Variants in AGBL1 observed in about 807,000 individuals in gnomAD.
AGBL1 encodes cytosolic carboxypeptidase 4.
AGBL1 carries 130 observed loss-of-function variants against 118.9 expected under a neutral mutation model. That is an observed-to-expected ratio of 1.09 (90% CI 0.95 to 1.26). The LOEUF (loss-of-function observed/expected upper bound fraction) is 1.26. Ranked by LOEUF, AGBL1 falls within the 50% of genes most tolerant of loss-of-function variation. The pLI is 0.00. For synonymous variants in AGBL1, 555 were observed against 478.9 expected, an observed-to-expected ratio of 1.16 and a Z score of -2.08; for missense variants, 1,584 against 1,298.1, an observed-to-expected ratio of 1.22 and a Z score of -3.38.
Position 86,927,088 on chromosome 15 carries a change from G to A in AGBL1, c.3222-60899G>A, listed in dbSNP as rs577874864. Reference sequence around the variant, plus strand: ...CAGAAGGCAGAGGTTGCAGTGAGCCGAGTTCATGCCATTGCACTCCACCCC... The same window carrying A: ...CAGAAGGCAGAGGTTGCAGTGAGCCAAGTTCATGCCATTGCACTCCACCCC... On this transcript the variant is annotated intron_variant, in intron 23 of 24. Transcript: ENST00000441037. Among the ~76,000 whole-genome samples the A allele has an allele frequency of 5.3e-5, 8 of 151,614 alleles. No individual in the cohort carries two copies. In the South Asian group the frequency reaches 1.5e-3, roughly 28 times the overall value.
At chr15:86,792,752 G>A (rs771738731) in intron 22 of AGBL1, among the ~76,000 whole-genome samples, 3 of 151,996 alleles carry the variant, frequency 2.0e-5, no homozygotes, top group Admixed American at 1.3e-4. Context: ...GACCAGCCTG[G>A]ACAACATGGC....
At position 87,023,729 on chromosome 15, in the gene AGBL1, T is replaced by G. The variant is rs571218196; in HGVS notation, c.3324-5096T>G. On this transcript the variant is annotated intron_variant, in intron 24 of 24. Transcript: ENST00000441037. ...ACTTTCTTCAAGAAAGACCATATGA[T>G]AGACCACAAAATGAGCTTCAATAAA... Among the ~76,000 whole-genome samples the G allele has an allele frequency of 2.0e-5, 3 of 152,198 alleles. No homozygotes were observed. The South Asian group carries it at 6.2e-4, about 32-fold the overall frequency.
intron 18 of AGBL1, among the ~76,000 whole-genome samples, chr15:86,461,156 C>A (rs774714571): frequency 4.6e-5 from 7 of 152,122 alleles, no homozygotes; most frequent in Non-Finnish European, 7.4e-5. Flanking sequence ...AGCCTGGGAT[C>A]AGGGACTTTA....
At chr15:86,174,779 T>C (rs2077460437) in intron 5 of AGBL1, among the ~76,000 whole-genome samples, 1 of 152,206 alleles carries the variant, frequency 6.6e-6, no homozygotes, top group Non-Finnish European at 1.5e-5. Flanking sequence ...TTCCATTCTG[T>C]TTATATGATA....
chr15:86,614,804 G>T (rs1353131024), intron 21 of AGBL1, among the ~76,000 whole-genome samples: 1 of 152,186 alleles, frequency 6.6e-6, no homozygotes, highest in Admixed American at 6.5e-5. Flanking sequence ...GAAAAAACCA[G>T]ATTGTCATAT....
chr15:86,154,342 C>G (rs2077158814), intron 3 of AGBL1, 88 bp from the exon 4 acceptor site: 1 of 1,424,318 alleles, frequency 7.0e-7, no homozygotes, highest in African/African-American at 1.4e-5. Context: ...CCTCCTCCTT[C>G]ACCATCTTCC....
At chr15:86,779,275 A>G (rs1161591334) in intron 22 of AGBL1, among the ~76,000 whole-genome samples, 2 of 152,232 alleles carry the variant, frequency 1.3e-5, no homozygotes, top group Non-Finnish European at 2.9e-5. Flanking sequence ...CTCACCAGAC[A>G]CAGAATCTGC....
At chr15:86,461,572 A>T (rs973089307) in intron 18 of AGBL1, among the ~76,000 whole-genome samples, 19 of 152,208 alleles carry the variant, frequency 1.2e-4, no homozygotes, top group Admixed American at 9.8e-4. Flanking sequence ...TATCACGGCA[A>T]TATATAAATG....
chr15:86,365,016 CATAT>C (rs1225936471), intron 17 of AGBL1, among the ~76,000 whole-genome samples: 1 of 121,992 alleles, frequency 8.2e-6, no homozygotes, highest in Non-Finnish European at 1.7e-5. Flanking sequence ...TATACACACA[CATAT>C]ATATATACAC....
chr15:86,264,865 C>G (rs1351505274), intron 11 of AGBL1, 27 bp downstream of exon 11: 1 of 1,525,908 alleles, frequency 6.6e-7, no homozygotes, highest in Non-Finnish European at 8.8e-7. Context: ...CTTGGGAGCT[C>G]TTTTTTTCTG....
At chr15:86,425,050 A>C (rs1438128619) in intron 18 of AGBL1, among the ~76,000 whole-genome samples, 2 of 152,220 alleles carry the variant, frequency 1.3e-5, no homozygotes, top group African/African-American at 4.8e-5. Context: ...GTATATACCC[A>C]AATGATTATA....
At chr15:86,600,385 T>C (rs890281934) in intron 21 of AGBL1, among the ~76,000 whole-genome samples, 1 of 152,190 alleles carries the variant, frequency 6.6e-6, no homozygotes, top group Non-Finnish European at 1.5e-5. Flanking sequence ...AGGTGGTACA[T>C]GTTCATGGTA....
chr15:86,473,110 C>A (rs1379807247), intron 18 of AGBL1, among the ~76,000 whole-genome samples: 1 of 151,874 alleles, frequency 6.6e-6, no homozygotes, highest in Non-Finnish European at 1.5e-5. Flanking sequence ...TTTATAAGTC[C>A]TTTATAGAGA....
At chr15:86,972,705 G>T (rs2081121710) in intron 23 of AGBL1, among the ~76,000 whole-genome samples, 1 of 151,984 alleles carries the variant, frequency 6.6e-6, no homozygotes, top group South Asian at 2.1e-4. Flanking sequence ...TTTCCTTACA[G>T]GGGGAGAATG....
At chr15:86,390,105 G>C (rs1381203562) in intron 17 of AGBL1, among the ~76,000 whole-genome samples, 1 of 152,100 alleles carries the variant, frequency 6.6e-6, no homozygotes, top group Non-Finnish European at 1.5e-5. Context: ...AAGAAAGCCA[G>C]CAAAGCTATA....
At chr15:86,701,493 T>C (rs2086357280) in intron 22 of AGBL1, among the ~76,000 whole-genome samples, 2 of 152,132 alleles carry the variant, frequency 1.3e-5, no homozygotes, top group Admixed American at 1.3e-4. Flanking sequence ...GAATTGTGGG[T>C]AAATCAAGAT....
intron 22 of AGBL1, among the ~76,000 whole-genome samples, chr15:86,812,272 A>G (rs1415179717): frequency 6.6e-6 from 1 of 152,220 alleles, no homozygotes; most frequent in African/African-American, 2.4e-5. Context: ...ATAAAACATT[A>G]TACTGTCTCC....
At chr15:86,499,942 A>G (rs1027030742) in intron 18 of AGBL1, among the ~76,000 whole-genome samples, 5 of 151,826 alleles carry the variant, frequency 3.3e-5, no homozygotes, top group African/African-American at 1.2e-4. Context: ...TCATAGCATC[A>G]GGGAAGTCAC....
intron 22 of AGBL1, among the ~76,000 whole-genome samples, chr15:86,713,646 C>G: frequency 6.6e-6 from 1 of 152,144 alleles, no homozygotes; most frequent in Non-Finnish European, 1.5e-5. Context: ...TGCCCCAATA[C>G]TCTTCAAAGT....
Sources: gnomAD v4.1 joint callset for allele counts (sites outside exome capture counted in the v4.1 genomes callset) on GRCh38, gnomAD v4.1.1 for gene constraint, MANE v1.5 for transcripts, NCBI Gene and HGNC (gene_info 2026-07-23, HGNC 2026-07-21) for gene names.